PTPN3: variants seen among roughly 807,000 people sequenced by gnomAD.
PTPN3 encodes the protein tyrosine-protein phosphatase non-receptor type 3.
PTPN3 carries 96 observed loss-of-function variants against 132.7 expected under a neutral mutation model. The observed-to-expected ratio is 0.72, with a 90% CI of 0.61 to 0.86. The LOEUF (loss-of-function observed/expected upper bound fraction) is 0.86, where lower values mean the gene tolerates loss of function less well. PTPN3 is among the 40% of genes least tolerant of loss of function. PTPN3 has a pLI of 0.00. For missense variants in PTPN3, 1,125 were observed against 1,159.6 expected, an observed-to-expected ratio of 0.97 and a Z score of 0.43; for synonymous variants, 398 against 429.0, an observed-to-expected ratio of 0.93 and a Z score of 0.89.
chr9:109,414,812 G>A (rs1842347644), intron 14 of PTPN3, among the ~76,000 whole-genome samples: 2 of 152,222 alleles, frequency 1.3e-5, no homozygotes, highest in Admixed American at 1.3e-4. Flanking sequence ...CAGATGCCCT[G>A]CAGGGGCACC....
intron 25 of PTPN3, 105 bp from the exon 26 acceptor site, chr9:109,379,738 C>T (rs934987708): frequency 2.7e-5 from 26 of 970,008 alleles, no homozygotes; most frequent in Admixed American, 1.6e-4. Context: ...ATTCCCTGAG[C>T]GCCAACTCTG....
intron 19 of PTPN3, among the ~76,000 whole-genome samples, chr9:109,397,952 A>C (rs1339354723): frequency 6.6e-6 from 1 of 152,192 alleles, no homozygotes; most frequent in Non-Finnish European, 1.5e-5. Context: ...CAAAAACAAC[A>C]AACTATTTGG....
intron 5 of PTPN3, among the ~76,000 whole-genome samples, chr9:109,452,603 T>C (rs950862162): frequency 4.6e-5 from 7 of 151,776 alleles, no homozygotes; most frequent in Non-Finnish European, 8.8e-5. Flanking sequence ...TCTCAGTCGA[T>C]CACTTAGGCT....
At chr9:109,482,961 T>C (rs10816819) in intron 1 of PTPN3, among the ~76,000 whole-genome samples, 56,180 of 152,192 alleles carry the variant, frequency 0.37, 11,061 homozygotes, top group East Asian at 0.61. Context: ...GAGCCCTATC[T>C]GCTGCTTCTA....
chr9:109,517,112 C>T, the PTPN3 span, among the ~76,000 whole-genome samples: 6 of 152,294 alleles, frequency 3.9e-5, no homozygotes, highest in Middle Eastern at 3.4e-3. Flanking sequence ...CTGGCCATAG[C>T]TGGTGCTTGC....
intron 25 of PTPN3, among the ~76,000 whole-genome samples, chr9:109,379,865 G>A (rs1247445403): frequency 6.6e-6 from 1 of 152,222 alleles, no homozygotes; most frequent in Non-Finnish European, 1.5e-5. Context: ...GAAACTGGCG[G>A]TCTGGGGGAG....
Position 109,457,180 on chromosome 9 carries a change from CT to C in PTPN3, c.281del (p.Gln94ArgfsTer2). 6.2e-7 allele frequency: 1 copy of C among 1,613,984 alleles called. No homozygotes were observed. Among genetic ancestry groups the C allele is most frequent in the Non-Finnish European group, 8.5e-7 (1 of 1,179,816 alleles). On this transcript the variant is annotated frameshift_variant, in exon 4 of 26. Transcript: ENST00000374541. LOFTEE classifies it high-confidence loss of function. ...WLEASKAIRK[Q>X]LKGGFPCTLH... The stretch of plus-strand genomic sequence containing the variant: ...TGAAAAGATCACACCAACCTTTTAA[CT>C]GCTTCCTGATGGCTTTGCTTGCTTC...
At position 109,433,152 on chromosome 9, in the gene PTPN3, T is replaced by C. The variant is rs770040661; in HGVS notation, c.685A>G (p.Asn229Asp). ...GCAATTCCAATCATTAGGTCTAAAT[T>C]GTGCAGATCCTGTAAAAAGGAAGAT... is the stretch of plus-strand genomic sequence containing the variant. ...VELHSGRDLHNLDLMIGIASA... is the reference protein window; with the variant it reads ...VELHSGRDLHDLDLMIGIASA... The change falls in exon 10 of 26, where the codon AAT becomes GAT. Residue 229 changes from asparagine to aspartate, a missense_variant. By Grantham distance (23) the Asn-to-Asp change is conservative. Transcript: ENST00000374541. The C allele has an allele frequency of 1.2e-6, 2 of 1,614,042 alleles. No homozygotes were observed. Among genetic ancestry groups the C allele is most frequent in the Non-Finnish European group, 1.7e-6 (2 of 1,179,972 alleles).
chr9:109,528,047 A>G, the PTPN3 span, among the ~76,000 whole-genome samples: 1 of 152,234 alleles, frequency 6.6e-6, no homozygotes, highest in South Asian at 2.1e-4. Context: ...ATGCAATTTA[A>G]AAGCACATGA....
At chr9:109,429,201 G>A (rs1843494615) in intron 10 of PTPN3, among the ~76,000 whole-genome samples, 1 of 152,150 alleles carries the variant, frequency 6.6e-6, no homozygotes, top group African/African-American at 2.4e-5. Flanking sequence ...CCTCAACGAA[G>A]CCCTGCAACA....
chr9:109,410,245 T>C lies in PTPN3; in HGVS notation c.1484A>G (p.Gln495Arg). The stretch of plus-strand genomic sequence containing the variant: ...CTCGCTCACCTTGTCACAGTAGTAC[T>C]GGCTGGCGTCCTCGGTGGAGCCCCC... ...TKGGSTEDAS[Q>R]YYCDKNDNGD... Residue 495 changes from glutamine to arginine, a missense_variant, in exon 15 of 26, where the codon CAG becomes CGG. By Grantham distance (43) the Gln-to-Arg change is conservative. Coordinates refer to ENST00000374541, the MANE Select transcript of PTPN3 (RefSeq NM_002829.4). The C allele has an allele frequency of 1.2e-6, 2 of 1,614,176 alleles. No individual in the cohort carries two copies. The highest frequency in any genetic ancestry group is 1.7e-6 in the Non-Finnish European group (2 of 1,180,026).
the PTPN3 span, among the ~76,000 whole-genome samples, chr9:109,522,418 G>T: frequency 6.6e-6 from 1 of 152,186 alleles, no homozygotes; most frequent in African/African-American, 2.4e-5. Context: ...GAATAAAGAG[G>T]CCTCGAATAA....
At chr9:109,406,399 TG>T (rs1387958097) in intron 18 of PTPN3, 62 bp downstream of exon 18, 1 of 1,549,754 alleles carries the variant, frequency 6.5e-7, no homozygotes, top group Non-Finnish European at 8.8e-7. Context: ...GATAAAGGGC[TG>T]GAGCAGGCGC....
chr9:109,511,670 A>G, the PTPN3 span: 1 of 152,776 alleles, frequency 6.5e-6, no homozygotes, highest in Non-Finnish European at 1.5e-5. Context: ...GCAGACCTGT[A>G]GGAGAATCAA....
At position 109,389,333 on chromosome 9, in the gene PTPN3, T is replaced by C. The variant is rs775738603; in HGVS notation, c.2153A>G (p.Gln718Arg). The C allele has an allele frequency of 6.2e-7, 1 of 1,614,132 alleles. No homozygotes were observed. Among genetic ancestry groups the C allele is most frequent in the Non-Finnish European group, 8.5e-7 (1 of 1,179,974 alleles). ...ANLVNKYIAT[Q>R]GPLPHTCAQF... is the part of the protein sequence containing the mutation. ...TGCACAGGTATGCGGCAGGGGCCCC[T>C]GAGTGGCGATGTACTTGTTCACAAG... Residue 718 changes from glutamine to arginine, a missense_variant, in exon 22 of 26, where the codon CAG becomes CGG. Physicochemically the swap from Gln to Arg is conservative, Grantham distance 43. Transcript: ENST00000374541.
At chr9:109,458,409 C>A (rs151241177) in intron 2 of PTPN3, among the ~76,000 whole-genome samples, 1 of 152,328 alleles carries the variant, frequency 6.6e-6, no homozygotes, top group East Asian at 1.9e-4. Flanking sequence ...GCAGACTTTG[C>A]AGGAATCCTT....
chr9:109,456,595 G>T (rs772079627), intron 4 of PTPN3, among the ~76,000 whole-genome samples: 2 of 152,194 alleles, frequency 1.3e-5, no homozygotes, highest in Non-Finnish European at 2.9e-5. Flanking sequence ...GGGGAACAAT[G>T]CTGGCAATGT....
At chr9:109,485,849 C>A (rs78424787) in intron 1 of PTPN3, among the ~76,000 whole-genome samples, 5,343 of 152,370 alleles carry the variant, frequency 0.035, 203 homozygotes, top group East Asian at 0.22. Context: ...CTCCCATACA[C>A]CTATTCACCT....
chr9:109,530,177 C>T, the PTPN3 span, among the ~76,000 whole-genome samples: 3 of 152,178 alleles, frequency 2.0e-5, no homozygotes, highest in Non-Finnish European at 4.4e-5. Flanking sequence ...CTAACCACTA[C>T]CCATCTCCAG....
Sources: gnomAD v4.1 joint callset for allele counts (sites outside exome capture counted in the v4.1 genomes callset) on GRCh38, gnomAD v4.1.1 for gene constraint, MANE v1.5 for transcripts, NCBI Gene and HGNC (gene_info 2026-07-23, HGNC 2026-07-21) for gene names.